MRPL3: variants seen among roughly 807,000 people sequenced by gnomAD.
The protein encoded by MRPL3 is large ribosomal subunit protein uL3m.
In MRPL3, 43 loss-of-function variants were observed where a neutral mutation model predicts 44.3. That is an observed-to-expected ratio of 0.97 (90% CI 0.76 to 1.25). The LOEUF (loss-of-function observed/expected upper bound fraction) is 1.25, where lower values mean the gene tolerates loss of function less well. Ranked by LOEUF, MRPL3 falls within the 50% of genes most tolerant of loss-of-function variation. The probability of loss-of-function intolerance (pLI) is 0.00; values close to 1 mark genes in which losing one functional copy is unlikely to be tolerated. For missense variants in MRPL3, 406 were observed against 427.6 expected (o/e 0.95, Z 0.45); for synonymous variants, 171 against 152.3 (o/e 1.12, Z -0.91).
intron 5 of MRPL3, among the ~76,000 whole-genome samples, 176 bp from the exon 6 acceptor site, chr3:131,487,916 T>G (rs1934167006): frequency 6.6e-6 from 1 of 152,240 alleles, no homozygotes; most frequent in Non-Finnish European, 1.5e-5. Flanking sequence ...GTCTTTTGAT[T>G]GACTTCACAG....
chr3:131,479,706 G>A (rs1342658856), intron 6 of MRPL3, among the ~76,000 whole-genome samples: 6 of 152,224 alleles, frequency 3.9e-5, no homozygotes, highest in East Asian at 3.9e-4. Flanking sequence ...ATAGCCAGGC[G>A]TGGTGGCAGG....
chr3:131,473,162 T>C (rs1933777464), intron 6 of MRPL3, among the ~76,000 whole-genome samples: 1 of 152,132 alleles, frequency 6.6e-6, no homozygotes, highest in South Asian at 2.1e-4. Flanking sequence ...CTTCAAAACA[T>C]ACTACACAAA....
At chr3:131,481,970 T>A (rs1170134659) in intron 6 of MRPL3, among the ~76,000 whole-genome samples, 1 of 152,148 alleles carries the variant, frequency 6.6e-6, no homozygotes, top group East Asian at 1.9e-4. Flanking sequence ...GTTAGAACAA[T>A]GAGCTTGTGG....
intron 9 of MRPL3, among the ~76,000 whole-genome samples, chr3:131,464,823 C>T (rs1933565012): frequency 6.6e-6 from 1 of 152,168 alleles, no homozygotes. Context: ...TAACCCTGTA[C>T]TCTGAGGAAA....
chr3:131,501,444 A>G, intron 2 of MRPL3, 87 bp downstream of exon 2: 2 of 1,088,588 alleles, frequency 1.8e-6, no homozygotes, highest in South Asian at 3.3e-5. Context: ...AAGAAATGAT[A>G]AATTATCAAG....
intron 4 of MRPL3, among the ~76,000 whole-genome samples, chr3:131,495,432 T>G (rs1304561128): frequency 6.6e-6 from 1 of 152,150 alleles, no homozygotes; most frequent in Non-Finnish European, 1.5e-5. Context: ...ATTTTATATC[T>G]TGAAGAAATT....
At chr3:131,494,270 T>C (rs1465113551) in intron 4 of MRPL3, among the ~76,000 whole-genome samples, 2 of 152,194 alleles carry the variant, frequency 1.3e-5, no homozygotes, top group Admixed American at 6.5e-5. Context: ...TATTATTTTA[T>C]TTCCTACACG....
At chr3:131,479,176 T>C (rs1933920776) in intron 6 of MRPL3, 1 of 519,050 alleles carries the variant, frequency 1.9e-6, no homozygotes, top group Admixed American at 1.9e-5. Flanking sequence ...TATTCTTGCA[T>C]ACACTGTCCC....
intron 6 of MRPL3, among the ~76,000 whole-genome samples, chr3:131,475,683 TA>T (rs1207152165): frequency 6.6e-6 from 1 of 152,202 alleles, no homozygotes; most frequent in Non-Finnish European, 1.5e-5. Context: ...ATCAAAGAGC[TA>T]AAACATAACA....
At chr3:131,501,452 A>T in intron 2 of MRPL3, 79 bp downstream of exon 2, 1 of 1,114,318 alleles carries the variant, frequency 9.0e-7, no homozygotes, top group East Asian at 2.4e-5. Flanking sequence ...ATAAATTATC[A>T]AGTAGTCACT....
intron 3 of MRPL3, among the ~76,000 whole-genome samples, chr3:131,499,579 T>C (rs1041818251): frequency 6.6e-6 from 1 of 152,206 alleles, no homozygotes; most frequent in Non-Finnish European, 1.5e-5. Flanking sequence ...ATCTATAGAC[T>C]CTTTGAGCCT....
chr3:131,488,771 CA>C (rs1198891439), intron 5 of MRPL3: 1 of 151,784 alleles, frequency 6.6e-6, no homozygotes, highest in African/African-American at 2.4e-5. Context: ...AGTTATAACC[CA>C]ACCTGGATTT....
intron 4 of MRPL3, among the ~76,000 whole-genome samples, chr3:131,492,237 A>G (rs564596203): frequency 2.6e-5 from 4 of 152,252 alleles, no homozygotes; most frequent in Non-Finnish European, 5.9e-5. Context: ...TATTTTATTA[A>G]TACCAGTTTT....
intron 4 of MRPL3, 146 bp downstream of exon 4, chr3:131,498,033 T>C: frequency 1.5e-6 from 1 of 659,708 alleles, no homozygotes; most frequent in Admixed American, 2.8e-5. Context: ...GCAAAATGGC[T>C]GTGCCAGACT....
chr3:131,492,676 C>G (rs1208840018), intron 4 of MRPL3, among the ~76,000 whole-genome samples: 6 of 152,180 alleles, frequency 3.9e-5, no homozygotes, highest in Admixed American at 3.9e-4. Flanking sequence ...ACAGAGCAGT[C>G]TACAGCCCAG....
chr3:131,499,527 T>C (rs182570323), intron 3 of MRPL3, among the ~76,000 whole-genome samples: 8 of 152,304 alleles, frequency 5.3e-5, no homozygotes, highest in Admixed American at 3.9e-4. Flanking sequence ...AAAACTATTG[T>C]CTTATACTTG....
intron 9 of MRPL3, among the ~76,000 whole-genome samples, chr3:131,463,765 T>C (rs780065588): frequency 3.3e-5 from 5 of 152,186 alleles, no homozygotes; most frequent in Admixed American, 6.5e-5. Context: ...ACTGATGTGA[T>C]CTAAAATGTT....
At chr3:131,486,785 A>G (rs922637675) in intron 6 of MRPL3, among the ~76,000 whole-genome samples, 2 of 152,226 alleles carry the variant, frequency 1.3e-5, no homozygotes, top group East Asian at 1.9e-4. Context: ...CAGAATGGCA[A>G]TCATTAAAAA....
At chr3:131,490,152 A>AC in intron 4 of MRPL3, 72 bp from the exon 5 acceptor site, 1 of 1,058,604 alleles carries the variant, frequency 9.4e-7, no homozygotes, top group Non-Finnish European at 1.5e-6. Flanking sequence ...GGAGATCTAA[A>AC]CCAAGTTATT....
Sources: gnomAD v4.1 joint callset for allele counts (sites outside exome capture counted in the v4.1 genomes callset) on GRCh38, gnomAD v4.1.1 for gene constraint, MANE v1.5 for transcripts, NCBI Gene and HGNC (gene_info 2026-07-23, HGNC 2026-07-21) for gene names.